The following SRRM3 variants were observed in gnomAD, a reference collection of about 807,000 sequenced individuals.
SRRM3 encodes serine/arginine repetitive matrix 3, also known as serine/arginine repetitive matrix protein 3.
SRRM3 carries 27 observed loss-of-function variants against 66.2 expected under a neutral mutation model. That is an observed-to-expected ratio of 0.41 (90% confidence interval 0.30 to 0.56). The LOEUF (loss-of-function observed/expected upper bound fraction) is 0.56. SRRM3 is among the 20% of genes least tolerant of loss of function. SRRM3 has a pLI of 0.32. For synonymous variants in SRRM3, 391 were observed against 414.9 expected, an observed-to-expected ratio of 0.94 and a Z score of 0.70; for missense variants, 918 against 991.9, an observed-to-expected ratio of 0.93 and a Z score of 1.00.
intron 1 of SRRM3, among the ~76,000 whole-genome samples, chr7:76,213,528 G>T (rs1045531104): frequency 6.6e-6 from 1 of 152,110 alleles, no homozygotes; most frequent in Non-Finnish European, 1.5e-5. Context: ...TGAGGCCCAG[G>T]GTGGCTGTTC....
chr7:76,235,345 C>T, intron 2 of SRRM3, 46 bp downstream of exon 2: 2 of 1,326,072 alleles, frequency 1.5e-6, no homozygotes, highest in Non-Finnish European at 1.9e-6. Flanking sequence ...ATAGGCGGGG[C>T]GAGGGTGGGA....
chr7:76,228,825 C>T (rs532670443), intron 1 of SRRM3, among the ~76,000 whole-genome samples: 4 of 152,142 alleles, frequency 2.6e-5, no homozygotes, highest in African/African-American at 9.6e-5. Flanking sequence ...CACTGCCCAC[C>T]TCCCCCTAAT....
At chr7:76,282,585 T>TCCCCCCC in intron 12 of SRRM3, 63 bp from the exon 13 acceptor site, 1 of 102,784 alleles carries the variant, frequency 9.7e-6, no homozygotes, top group Non-Finnish European at 1.5e-5. Context: ...CAGGGAACCC[T>TCCCCCCC]CCCCGCCCCC....
At chr7:76,253,778 ACT>A (rs1474750740) in intron 3 of SRRM3, among the ~76,000 whole-genome samples, 22 of 146,600 alleles carry the variant, frequency 1.5e-4, no homozygotes, top group Admixed American at 1.4e-3. Context: ...CAAGAGTGAA[ACT>A]CTGTTTCAAA....
At chr7:76,238,171 A>G (rs1801194001) in intron 2 of SRRM3, among the ~76,000 whole-genome samples, 1 of 152,180 alleles carries the variant, frequency 6.6e-6, no homozygotes, top group Non-Finnish European at 1.5e-5. Context: ...TTGACCTTGA[A>G]CAAGCCACGG....
chr7:76,208,891 AAGGG>A (rs1350876040), intron 1 of SRRM3, among the ~76,000 whole-genome samples: 4 of 142,208 alleles, frequency 2.8e-5, no homozygotes, highest in South Asian at 2.6e-4. Context: ...GGAAGGGAGG[AAGGG>A]AGGGAGGGAG....
At chr7:76,218,971 C>T (rs1800643866) in intron 1 of SRRM3, among the ~76,000 whole-genome samples, 1 of 152,198 alleles carries the variant, frequency 6.6e-6, no homozygotes, top group South Asian at 2.1e-4. Flanking sequence ...TCTCCTGCCT[C>T]AGCCTCCCAA....
At position 76,234,194 on chromosome 7, in the gene SRRM3, A is replaced by AGTGTGTGTGTGTGTGTGTGT. The variant is rs58369922; in HGVS notation, c.-39-823_-39-804dup. Among the ~76,000 whole-genome samples the AGTGTGTGTGTGTGTGTGTGT allele has an allele frequency of 9.7e-4, 137 of 141,162 alleles. 3 individuals carry two copies. Among genetic ancestry groups the AGTGTGTGTGTGTGTGTGTGT allele is most frequent in the Middle Eastern group, 3.7e-3 (1 of 268 alleles). The allele number at this position is 141,162 out of a possible 152,430, so 92.6% of individuals were successfully genotyped here. Reference sequence around the variant, plus strand: ...CCTCTGTTAAGATAGAAGTCCTTGGAGTGTGTGTGTGTGTGTGTGTGTGTG... The same window carrying AGTGTGTGTGTGTGTGTGTGT: ...CCTCTGTTAAGATAGAAGTCCTTGGAGTGTGTGTGTGTGTGTGTGTGTGTGTGTGTGTGTGTGTGTGTGTG... On this transcript the variant is annotated intron_variant, in intron 1 of 14. Coordinates refer to ENST00000611745, the MANE Select transcript of SRRM3 (RefSeq NM_001110199.3).
chr7:76,254,170 A>G (rs1423189888), intron 3 of SRRM3, among the ~76,000 whole-genome samples: 1 of 149,054 alleles, frequency 6.7e-6, no homozygotes, highest in Non-Finnish European at 1.5e-5. Flanking sequence ...GCTAATCTAC[A>G]TGTTTTTTGT....
At chr7:76,263,342 G>A (rs926270282) in intron 8 of SRRM3, among the ~76,000 whole-genome samples, 1 of 152,222 alleles carries the variant, frequency 6.6e-6, no homozygotes, top group Non-Finnish European at 1.5e-5. Context: ...TTGTTTTGGG[G>A]TCAGAAGGAC....
At chr7:76,216,070 G>A (rs1583871021) in intron 1 of SRRM3, among the ~76,000 whole-genome samples, 1 of 151,814 alleles carries the variant, frequency 6.6e-6, no homozygotes, top group East Asian at 1.9e-4. Flanking sequence ...GCCTCCCAAA[G>A]TGCTGGGATT....
intron 1 of SRRM3, among the ~76,000 whole-genome samples, chr7:76,227,765 G>A (rs782742469): frequency 1.5e-4 from 23 of 152,354 alleles, no homozygotes; most frequent in Admixed American, 5.2e-4. Flanking sequence ...TTGGGTGAGT[G>A]TTTGTTGAGT....
chr7:76,229,646 T>C (rs1295951616), intron 1 of SRRM3, among the ~76,000 whole-genome samples: 1 of 152,170 alleles, frequency 6.6e-6, no homozygotes, highest in African/African-American at 2.4e-5. Flanking sequence ...ATATTCTGCT[T>C]CTGAACTATG....
At chr7:76,222,724 C>T (rs1476241708) in intron 1 of SRRM3, among the ~76,000 whole-genome samples, 2 of 151,982 alleles carry the variant, frequency 1.3e-5, no homozygotes, top group African/African-American at 4.8e-5. Context: ...TGGGTTCAAG[C>T]AATCCTCCTG....
At chr7:76,229,581 G>A (rs1341613933) in intron 1 of SRRM3, among the ~76,000 whole-genome samples, 1 of 152,014 alleles carries the variant, frequency 6.6e-6, no homozygotes, top group Non-Finnish European at 1.5e-5. Context: ...TCCACATTGT[G>A]ATATTGACTC....
At chr7:76,283,693 C>T in intron 14 of SRRM3, 1 of 885,368 alleles carries the variant, frequency 1.1e-6, no homozygotes, top group Non-Finnish European at 1.6e-6. Context: ...GCACAGCAGT[C>T]TGGTCTCTGG....
At chr7:76,208,513 AAAAG>A (rs1192472336) in intron 1 of SRRM3, among the ~76,000 whole-genome samples, 1 of 151,800 alleles carries the variant, frequency 6.6e-6, no homozygotes, top group Non-Finnish European at 1.5e-5. Context: ...TACAAAAAAA[AAAAG>A]AAGAAGAAGA....
chr7:76,215,947 A>G (rs1279244498), intron 1 of SRRM3, among the ~76,000 whole-genome samples: 1 of 148,812 alleles, frequency 6.7e-6, no homozygotes, highest in Non-Finnish European at 1.5e-5. Flanking sequence ...ACAGGTGCCC[A>G]CCACCACGCC....
At chr7:76,230,234 A>G (rs1350235400) in intron 1 of SRRM3, among the ~76,000 whole-genome samples, 1 of 152,178 alleles carries the variant, frequency 6.6e-6, no homozygotes, top group Admixed American at 6.6e-5. Flanking sequence ...TTCTCCACTA[A>G]ATACCTACAT....
Sources: allele counts gnomAD v4.1 joint callset (sites outside exome capture counted in the v4.1 genomes callset), GRCh38; gene constraint gnomAD v4.1.1; transcripts MANE v1.5; gene names NCBI Gene and HGNC (gene_info 2026-07-23, HGNC 2026-07-21).